The following EPHA6 variants were observed in gnomAD, a reference collection of about 807,000 sequenced individuals.
EPHA6 encodes the protein EPH receptor A6.
Under a neutral mutation model 112.0 loss-of-function variants are expected in EPHA6, and 50 were observed. The observed-to-expected ratio is 0.45, with a 90% confidence interval of 0.36 to 0.56. The LOEUF is 0.56. EPHA6 is among the 20% of genes least tolerant of loss of function. The probability of loss-of-function intolerance (pLI) is 0.00; values close to 1 mark genes in which losing one functional copy is unlikely to be tolerated. For missense variants in EPHA6, 1,280 were observed against 1,417.4 expected (o/e 0.90, Z 1.56); for synonymous variants, 529 against 490.7 (o/e 1.08, Z -1.03).
chr3:97,596,876 ATAT>A (rs1386710699), intron 12 of EPHA6, among the ~76,000 whole-genome samples: 2 of 1,494 alleles, frequency 1.3e-3, no homozygotes, highest in Non-Finnish European at 0.013. Flanking sequence ...TATCTATGGA[ATAT>A]ATATATATAT....
intron 2 of EPHA6, among the ~76,000 whole-genome samples, chr3:96,986,458 A>G (rs1475570930): frequency 6.6e-6 from 1 of 152,148 alleles, no homozygotes; most frequent in Non-Finnish European, 1.5e-5. Flanking sequence ...ATACCTGTAC[A>G]GTCTTGCCTC....
intron 11 of EPHA6, among the ~76,000 whole-genome samples, chr3:97,560,792 C>T (rs1030375146): frequency 6.6e-6 from 1 of 152,004 alleles, no homozygotes; most frequent in African/African-American, 2.4e-5. Context: ...CTTTACTGCT[C>T]TTCACAGGTA....
chr3:97,119,930 T>C (rs1284473732), intron 3 of EPHA6, among the ~76,000 whole-genome samples: 1 of 151,982 alleles, frequency 6.6e-6, no homozygotes, highest in Non-Finnish European at 1.5e-5. Context: ...TTTGCCCTCC[T>C]TTTGAATGCT....
rs1043031121 is a variant in EPHA6 at position 96,987,326 on chromosome 3, G to T, written c.451-4G>T. On this transcript the variant is annotated splice_polypyrimidine_tract_variant and splice_region_variant and intron_variant, in intron 2 of 17. Coordinates refer to ENST00000389672, the MANE Select transcript of EPHA6 (RefSeq NM_001080448.3). Reference sequence around the variant, plus strand: ...CACTTAATTACTTTTTTCCCTTTTTGCAGTGGGATGCCATCACTGAAATGG... The same window carrying T: ...CACTTAATTACTTTTTTCCCTTTTTTCAGTGGGATGCCATCACTGAAATGG... 2.7e-5 allele frequency: 42 copies of T among 1,565,014 alleles called. No homozygotes were observed. The Admixed American group carries it at 2.8e-4, about 11-fold the overall frequency.
At chr3:97,126,256 C>T (rs192718214) in intron 3 of EPHA6, among the ~76,000 whole-genome samples, 1 of 152,178 alleles carries the variant, frequency 6.6e-6, no homozygotes, top group African/African-American at 2.4e-5. Flanking sequence ...ATTCTAATGG[C>T]CAGGGGATTG....
At chr3:97,215,259 A>G (rs1404214266) in intron 3 of EPHA6, among the ~76,000 whole-genome samples, 1 of 152,150 alleles carries the variant, frequency 6.6e-6, no homozygotes, top group African/African-American at 2.4e-5. Context: ...TAACCACTCA[A>G]TTTTGAAAGT....
At chr3:97,042,055 A>C (rs936729188) in intron 3 of EPHA6, among the ~76,000 whole-genome samples, 10 of 152,120 alleles carry the variant, frequency 6.6e-5, no homozygotes, top group Non-Finnish European at 1.2e-4. Flanking sequence ...ATAATATCAA[A>C]GATCTGGATC....
chr3:96,986,287 T>C (rs2043019364), intron 2 of EPHA6, among the ~76,000 whole-genome samples: 1 of 152,174 alleles, frequency 6.6e-6, no homozygotes, highest in Admixed American at 6.5e-5. Context: ...AAACTGCTTG[T>C]ACATAAACAT....
chr3:97,586,961 G>A (rs2093495598), intron 11 of EPHA6, among the ~76,000 whole-genome samples: 1 of 152,174 alleles, frequency 6.6e-6, no homozygotes, highest in South Asian at 2.1e-4. Context: ...ATAAAGAAAG[G>A]GCAGGGTGTG....
chr3:96,967,371 C>T (rs1438702482), intron 2 of EPHA6, among the ~76,000 whole-genome samples: 4 of 150,954 alleles, frequency 2.6e-5, no homozygotes, highest in Admixed American at 1.3e-4. Context: ...TTTTCATTTA[C>T]TAGTATATTA....
chr3:97,200,377 A>G (rs2077548789), intron 3 of EPHA6, among the ~76,000 whole-genome samples: 1 of 152,082 alleles, frequency 6.6e-6, no homozygotes, highest in Admixed American at 6.6e-5. Context: ...ATACGGCCTC[A>G]GGCTTTTCAT....
At chr3:97,689,453 T>C (rs1197465409) in intron 14 of EPHA6, among the ~76,000 whole-genome samples, 1 of 152,156 alleles carries the variant, frequency 6.6e-6, no homozygotes, top group Non-Finnish European at 1.5e-5. Context: ...GGGTAATTTT[T>C]TGGCGGGGTG....
intron 2 of EPHA6, among the ~76,000 whole-genome samples, chr3:96,949,638 G>C (rs2041442290): frequency 6.6e-6 from 1 of 152,072 alleles, no homozygotes; most frequent in Non-Finnish European, 1.5e-5. Flanking sequence ...ATATTAAAAG[G>C]TAGGCAATGT....
intron 1 of EPHA6, among the ~76,000 whole-genome samples, chr3:96,845,583 A>G (rs1272218417): frequency 6.6e-5 from 10 of 151,978 alleles, no homozygotes; most frequent in Admixed American, 6.6e-4. Flanking sequence ...ACTTCCTGAC[A>G]CCCATCAATG....
intron 6 of EPHA6, among the ~76,000 whole-genome samples, chr3:97,409,409 T>C (rs1463218425): frequency 6.6e-6 from 1 of 152,106 alleles, no homozygotes; most frequent in African/African-American, 2.4e-5. Flanking sequence ...GAAAATGTTA[T>C]TATTCTTCCC....
intron 1 of EPHA6, among the ~76,000 whole-genome samples, chr3:96,821,175 T>G (rs191931682): frequency 2.1e-4 from 32 of 152,092 alleles, no homozygotes; most frequent in African/African-American, 7.2e-4. Flanking sequence ...ATTAAAAATT[T>G]TATATGACCA....
At chr3:97,552,005 C>A (rs2093035362) in intron 11 of EPHA6, among the ~76,000 whole-genome samples, 1 of 152,094 alleles carries the variant, frequency 6.6e-6, no homozygotes, top group African/African-American at 2.4e-5. Context: ...ATAATTACTT[C>A]TTATATGTCA....
chr3:97,296,350 G>A (rs1321942427), intron 5 of EPHA6, among the ~76,000 whole-genome samples: 2 of 152,176 alleles, frequency 1.3e-5, no homozygotes, highest in Admixed American at 6.5e-5. Flanking sequence ...CAGGAACTGG[G>A]ATGGGGGCAG....
chr3:97,439,676 T>C (rs1049015081), intron 6 of EPHA6: 1 of 973,658 alleles, frequency 1.0e-6, no homozygotes, highest in Non-Finnish European at 1.2e-6. Context: ...ACTTCAGTGA[T>C]GTTTCTTTGT....
Sources: allele counts gnomAD v4.1 joint callset (sites outside exome capture counted in the v4.1 genomes callset), GRCh38; gene constraint gnomAD v4.1.1; transcripts MANE v1.5; gene names NCBI Gene and HGNC (gene_info 2026-07-23, HGNC 2026-07-21).